CALN1: variants seen among roughly 807,000 people sequenced by gnomAD.
CALN1 encodes the protein calneuron 1.
A neutral mutation model predicts 30.6 loss-of-function variants in CALN1; 17 were observed. The observed-to-expected ratio is 0.56, with a 90% CI of 0.38 to 0.83. The LOEUF (loss-of-function observed/expected upper bound fraction) is 0.83. Among genes scored for constraint, CALN1 ranks in the 40% least tolerant of loss-of-function variants. The pLI is 0.00. For synonymous variants in CALN1, 156 were observed against 131.4 expected (o/e 1.19, Z -1.28); for missense variants, 291 against 354.9 (o/e 0.82, Z 1.45).
At position 72,283,967 on chromosome 7, in the gene CALN1, C is replaced by T. The variant is rs28626487; in HGVS notation, c.120-5157G>A. Among the ~76,000 whole-genome samples the T allele has an allele frequency of 8.4e-3, 1,285 of 152,218 alleles. 18 individuals carry two copies. Among genetic ancestry groups the T allele is most frequent in the African/African-American group, 0.028 (1,147 of 41,546 alleles). On this transcript the variant is annotated intron_variant, in intron 2 of 6. Coordinates refer to ENST00000395275, the MANE Select transcript of CALN1 (RefSeq NM_031468.4). ...AAGGGATGGTTCCTGTTAATGGGGT[C>T]AAGGAACTGGTACATTTCTTGACAG...
chr7:72,279,523 A>T (rs577871233), intron 2 of CALN1, among the ~76,000 whole-genome samples: 1 of 152,324 alleles, frequency 6.6e-6, no homozygotes, highest in East Asian at 1.9e-4. Context: ...ACAAAGTTAA[A>T]GCATCCTTCT....
the CALN1 span, among the ~76,000 whole-genome samples, chr7:72,488,452 A>G: frequency 6.6e-6 from 1 of 152,182 alleles, no homozygotes; most frequent in Non-Finnish European, 1.5e-5. Context: ...TAGGGGGCCT[A>G]AAGTTCACTC....
At chr7:72,092,735 T>C (rs188649073) in intron 4 of CALN1, among the ~76,000 whole-genome samples, 17 of 152,116 alleles carry the variant, frequency 1.1e-4, no homozygotes, top group Admixed American at 7.9e-4. Flanking sequence ...ATAGTTGGGT[T>C]GTACTCCTCA....
At chr7:71,850,683 C>G (rs951236468) in intron 5 of CALN1, among the ~76,000 whole-genome samples, 1 of 152,090 alleles carries the variant, frequency 6.6e-6, no homozygotes, top group Non-Finnish European at 1.5e-5. Flanking sequence ...GTTAGCTCTG[C>G]GGAGTTCAAT....
chr7:71,823,176 G>C (rs957138976), intron 5 of CALN1, among the ~76,000 whole-genome samples: 1 of 147,928 alleles, frequency 6.8e-6, no homozygotes, highest in Non-Finnish European at 1.5e-5. Flanking sequence ...CTCTCTCTCC[G>C]TCTCTCTCTC....
chr7:72,249,127 G>C (rs767461941), intron 3 of CALN1, among the ~76,000 whole-genome samples: 1 of 152,206 alleles, frequency 6.6e-6, no homozygotes, highest in African/African-American at 2.4e-5. Context: ...TGACTGACCT[G>C]ATTAGACACA....
intron 4 of CALN1, among the ~76,000 whole-genome samples, chr7:72,042,378 G>A (rs1802184382): frequency 6.6e-6 from 1 of 152,138 alleles, no homozygotes; most frequent in African/African-American, 2.4e-5. Context: ...AAATCTAGAG[G>A]AAACCAGGCT....
intron 4 of CALN1, among the ~76,000 whole-genome samples, chr7:72,093,033 A>G (rs1036326363): frequency 1.3e-5 from 2 of 152,174 alleles, no homozygotes; most frequent in Admixed American, 6.6e-5. Context: ...TTGCTGCAGC[A>G]TAACTTAGCC....
intron 2 of CALN1, among the ~76,000 whole-genome samples, chr7:72,305,142 A>T (rs1278333902): frequency 2.0e-5 from 3 of 152,186 alleles, no homozygotes; most frequent in Non-Finnish European, 4.4e-5. Context: ...GCCAGGACAG[A>T]CATGTGCCTC....
intron 3 of CALN1, among the ~76,000 whole-genome samples, chr7:72,179,299 T>C (rs1789587154): frequency 6.6e-6 from 1 of 152,340 alleles, no homozygotes; most frequent in East Asian, 1.9e-4. Context: ...CTAATATGCT[T>C]GAGATTAAAA....
At chr7:71,908,663 G>C (rs1276711552) in intron 5 of CALN1, among the ~76,000 whole-genome samples, 1 of 152,122 alleles carries the variant, frequency 6.6e-6, no homozygotes, top group East Asian at 1.9e-4. Context: ...TCCTGTGCCT[G>C]ACATGGTATC....
chr7:72,369,108 C>A (rs1250235313), intron 2 of CALN1, among the ~76,000 whole-genome samples: 1 of 151,444 alleles, frequency 6.6e-6, no homozygotes, highest in African/African-American at 2.4e-5. Context: ...AGCCACTGCA[C>A]CCAGCCTGAA....
intron 6 of CALN1, among the ~76,000 whole-genome samples, chr7:71,790,400 GAAAGAA>G: frequency 9.2e-6 from 1 of 108,488 alleles, no homozygotes; most frequent in Non-Finnish European, 1.8e-5. Context: ...AAGAAAGAAA[GAAAGAA>G]AGAAAGAAAG....
intron 3 of CALN1, among the ~76,000 whole-genome samples, chr7:72,267,602 C>T (rs916994505): frequency 1.1e-4 from 17 of 152,238 alleles, no homozygotes; most frequent in Admixed American, 3.9e-4. Flanking sequence ...ATGGCATGGG[C>T]TGTGCAGCCA....
intron 2 of CALN1, among the ~76,000 whole-genome samples, chr7:72,398,139 G>C (rs1585659662): frequency 1.3e-5 from 2 of 152,186 alleles, no homozygotes; most frequent in African/African-American, 4.8e-5. Flanking sequence ...GGCAAGCAAA[G>C]AGGAGTCCAG....
At chr7:72,171,026 G>T (rs369298651) in intron 3 of CALN1, among the ~76,000 whole-genome samples, 10 of 152,112 alleles carry the variant, frequency 6.6e-5, no homozygotes, top group African/African-American at 2.2e-4. Flanking sequence ...GCATGGCGGT[G>T]TATGCCTATA....
chr7:72,047,139 C>T (rs1802522002), intron 4 of CALN1, among the ~76,000 whole-genome samples: 1 of 152,086 alleles, frequency 6.6e-6, no homozygotes, highest in South Asian at 2.1e-4. Context: ...AAGCACTGCC[C>T]TTTAATGTAC....
At position 71,958,464 on chromosome 7, in the gene CALN1, C is replaced by CA. The variant is rs535471281; in HGVS notation, c.501+65192dup. Among the ~76,000 whole-genome samples the CA allele has an allele frequency of 6.4e-3, 982 of 152,296 alleles. 3 individuals are homozygous for CA. The highest frequency in any genetic ancestry group is 0.01 in the Non-Finnish European group (694 of 68,024). On this transcript the variant is annotated intron_variant, in intron 5 of 6. Transcript: ENST00000395275. ...CCCTTTGTGTAGTCTTCCTATCTGT[C>CA]AAAGACCTTATTGGTCCTTCACAAA...
At chr7:71,945,191 T>C (rs549569449) in intron 5 of CALN1, among the ~76,000 whole-genome samples, 8 of 150,852 alleles carry the variant, frequency 5.3e-5, no homozygotes, top group African/African-American at 1.7e-4. Context: ...CCACCATGAA[T>C]AAAAGCTTCC....
Sources: allele counts gnomAD v4.1 joint callset (sites outside exome capture counted in the v4.1 genomes callset), GRCh38; gene constraint gnomAD v4.1.1; transcripts MANE v1.5; gene names NCBI Gene and HGNC (gene_info 2026-07-23, HGNC 2026-07-21).